ADAMTS15: variants seen among roughly 807,000 people sequenced by gnomAD.
ADAMTS15 encodes the protein ADAM metallopeptidase with thrombospondin type 1 motif 15.
ADAMTS15 carries 35 observed loss-of-function variants against 79.1 expected under a neutral mutation model. The observed-to-expected ratio is 0.44, with a 90% CI of 0.34 to 0.59. ADAMTS15 has a LOEUF of 0.59. Ranked by LOEUF, ADAMTS15 falls within the 20% of genes least tolerant of loss-of-function variation. The probability of loss-of-function intolerance (pLI) is 0.02; values close to 1 mark genes in which losing one functional copy is unlikely to be tolerated. For synonymous variants in ADAMTS15, 616 were observed against 567.3 expected, an observed-to-expected ratio of 1.09 and a Z score of -1.22; for missense variants, 1,324 against 1,318.7, an observed-to-expected ratio of 1.00 and a Z score of -0.06.
intron 1 of ADAMTS15, among the ~76,000 whole-genome samples, chr11:130,456,247 C>A (rs550434814): frequency 6.6e-6 from 1 of 152,234 alleles, no homozygotes; most frequent in South Asian, 2.1e-4. Flanking sequence ...TATCGCTCTT[C>A]TTGTAGGCGC....
chr11:130,468,939 C>CAAA (rs911391031), intron 4 of ADAMTS15, among the ~76,000 whole-genome samples: 297 of 27,844 alleles, frequency 0.011, 17 homozygotes, highest in African/African-American at 0.028. Context: ...TCCACCTCAA[C>CAAA]AAAAAAAAAA....
rs527464865 is a variant in ADAMTS15, at chr11:130,454,877, TTC to T, written c.957+4951_957+4952del. On this transcript the variant is annotated intron_variant, in intron 1 of 7. Transcript: ENST00000299164. ...TCTAGTCAGAAAGGCAAGTGAGTTT[TTC>T]TCTTTCTTTAGGTCTTGCTCTCCTT... Among the ~76,000 whole-genome samples, 4 of 152,344 alleles carry T rather than the reference TTC, an allele frequency of 2.6e-5. No individual in the cohort carries two copies. In the South Asian group the frequency reaches 8.3e-4, roughly 32 times the overall value.
intron 1 of ADAMTS15, chr11:130,450,479 A>AT: frequency 1.0e-5 from 10 of 979,616 alleles, no homozygotes; most frequent in Non-Finnish European, 1.2e-5. Context: ...GGAGGGAATC[A>AT]TTGAGAGATT....
In ADAMTS15 at chr11:130,472,913, C is replaced by T. The variant is rs1938487061; in HGVS notation, c.2079-134C>T. 1.5e-5 allele frequency: 20 copies of T among 1,338,748 alleles called. No homozygotes were observed. Among genetic ancestry groups the T allele is most frequent in the Non-Finnish European group, 1.7e-5 (17 of 975,334 alleles). The allele number at this position is 1,338,748 out of a possible 1,614,324, so 82.9% of individuals were successfully genotyped here. On this transcript the variant is annotated intron_variant, in intron 7 of 7. Transcript: ENST00000299164. This position sits in a 1 kb window ranked among gnomAD's most constrained non-coding sequence, Gnocchi z 4.7. ...CGCCAAGGGGCAGGGACCTCTCTGACTCCAAAACCTGTGCTTTTACTCCCA... is the reference window on the plus strand; with the variant it reads ...CGCCAAGGGGCAGGGACCTCTCTGATTCCAAAACCTGTGCTTTTACTCCCA...
rs1262547161 is a variant in ADAMTS15, at chr11:130,474,053, G to A, written c.*232G>A. ...TACCTCAGGCCCCGCTCCTCGGGCC[G>A]GTTGCGGGGAGAGGCTTTGAGGTGC... On this transcript the variant is annotated 3_prime_UTR_variant, in exon 8 of 8. Coordinates refer to ENST00000299164, the MANE Select transcript of ADAMTS15 (RefSeq NM_139055.4). 1.6e-5 allele frequency: 9 copies of A among 555,550 alleles called. No individual in the cohort carries two copies. The highest frequency in any genetic ancestry group is 2.7e-5 in the Non-Finnish European group (9 of 333,692). The allele number at this position is 555,550 out of a possible 1,614,324, so 34.4% of individuals were successfully genotyped here.
Position 130,469,448 on chromosome 11 carries a change from G to A in ADAMTS15, c.1720+9G>A, listed in dbSNP as rs1938377030. 2.3e-6 allele frequency: 3 copies of A among 1,331,586 alleles called. No homozygotes were observed. The highest frequency in any genetic ancestry group is 5.6e-5 in the East Asian group (2 of 35,524). 82.5% of individuals were successfully genotyped at this position (1,331,586 alleles called of 1,614,324 possible). ...GCCCTGCCCCAGCTCAGGTGAGGTG[G>A]GGAGAGCAGTGGTGGCCTGGGCCCA... On this transcript the variant is annotated intron_variant, in intron 5 of 7. Coordinates refer to ENST00000299164, the MANE Select transcript of ADAMTS15 (RefSeq NM_139055.4).
Position 130,473,517 on chromosome 11 carries a change from C to G in ADAMTS15, c.2549C>G (p.Pro850Arg), listed in dbSNP as rs773670804. Residue 850 changes from proline (P) to arginine (R), a missense_variant, in exon 8 of 8, where the codon CCG (proline) becomes CGG (arginine). By Grantham distance (103) the Pro-to-Arg change is moderately radical. Coordinates refer to ENST00000299164, the MANE Select transcript of ADAMTS15 (RefSeq NM_139055.4). ...PARWVAGSWG[P>R]CSASCGSGLQ... ...CGCTGGGTGGCTGGCAGCTGGGGGC[C>G]GTGCTCCGCGAGCTGCGGCAGTGGC... 15 of 1,608,726 alleles carry G rather than the reference C, an allele frequency of 9.3e-6. No individual in the cohort carries two copies. The highest frequency in any genetic ancestry group is 1.3e-5 in the Non-Finnish European group (15 of 1,177,296).
intron 4 of ADAMTS15, among the ~76,000 whole-genome samples, chr11:130,468,249 A>G (rs935574198): frequency 6.6e-6 from 1 of 152,082 alleles, no homozygotes; most frequent in Non-Finnish European, 1.5e-5. Flanking sequence ...TATCAAACCC[A>G]TTTTTGCAAG....
intron 5 of ADAMTS15, among the ~76,000 whole-genome samples, chr11:130,470,200 A>ATATATATG (rs1938419929): frequency 1.8e-5 from 1 of 56,512 alleles, no homozygotes; most frequent in African/African-American, 7.9e-5. Flanking sequence ...ATATATATAT[A>ATATATATG]TATATATATG....
At position 130,472,967 on chromosome 11, in the gene ADAMTS15, C is replaced by T; in HGVS notation, c.2079-80C>T. On this transcript the variant is annotated intron_variant, in intron 7 of 7. Transcript: ENST00000299164. This position sits in a 1 kb window ranked among gnomAD's most constrained non-coding sequence, Gnocchi z 4.7. ...CAGAATTCACCGAAAGCTAGGTTTA[C>T]TGAGGAAAACAGATCCTGGAGCATA... The T allele has an allele frequency of 6.5e-7, 1 of 1,545,028 alleles. No homozygotes were observed. Among genetic ancestry groups the T allele is most frequent in the Middle Eastern group, 1.9e-4 (1 of 5,142 alleles).
intron 1 of ADAMTS15, among the ~76,000 whole-genome samples, chr11:130,459,832 C>T (rs1034144866): frequency 8.5e-5 from 13 of 152,340 alleles, no homozygotes; most frequent in African/African-American, 2.4e-4. Context: ...GTACTCTGAC[C>T]GCTTTTCCTC....
chr11:130,470,192 ATATATATATATATATATG>A (rs1565397892), intron 5 of ADAMTS15, among the ~76,000 whole-genome samples: 1 of 51,990 alleles, frequency 1.9e-5, no homozygotes, highest in East Asian at 3.2e-4. Flanking sequence ...GTGTGTATAT[ATATATATATATATATATG>A]TATATATATA....
chr11:130,467,271 G>A (rs1011363603), intron 4 of ADAMTS15, among the ~76,000 whole-genome samples: 4 of 152,108 alleles, frequency 2.6e-5, no homozygotes, highest in Non-Finnish European at 5.9e-5. Context: ...TTTTGAGGGG[G>A]CAGCTTCTGG....
At chr11:130,452,537 G>A (rs2134716568) in intron 1 of ADAMTS15, among the ~76,000 whole-genome samples, 1 of 152,338 alleles carries the variant, frequency 6.6e-6, no homozygotes, top group African/African-American at 2.4e-5. Context: ...AGACTTCTCT[G>A]TCTTTAGGTC....
At position 130,470,162 on chromosome 11, in the gene ADAMTS15, A is replaced by ATATATATATGTG. The variant is rs1565397691; in HGVS notation, c.1720+732_1720+733insGTGTATATATAT. Among the ~76,000 whole-genome samples the ATATATATATGTG allele has an allele frequency of 2.7e-4, 15 of 56,556 alleles. No homozygotes were observed. In the East Asian group the frequency reaches 4.3e-3, roughly 16 times the overall value. The allele number at this position is 56,556 out of a possible 152,430, so 37.1% of individuals were successfully genotyped here. A position where few individuals can be genotyped will look rare whatever the true frequency, so the allele number is the denominator to read the frequency against. ...TATATATATATATATGTGTATATAT[A>ATATATATATGTG]TATATATATATATATATATGTGTGT... On this transcript the variant is annotated intron_variant, in intron 5 of 7. Coordinates refer to ENST00000299164, the MANE Select transcript of ADAMTS15 (RefSeq NM_139055.4).
In ADAMTS15 at chr11:130,449,512, G is replaced by A. The variant is rs1234250953; in HGVS notation, c.539G>A (p.Trp180Ter). 2 of 1,557,156 alleles carry A rather than the reference G, an allele frequency of 1.3e-6. No homozygotes were observed. The highest frequency in any genetic ancestry group is 2.4e-5 in the South Asian group (2 of 81,990). ...TCTCGCTGCGGGGTGGCCTCGGGCT[G>A]GAACCCCGCCATCCTACGGGCCCTG... Reference protein sequence around the residue: ...PTSRCGVASGWNPAILRALDP... With the variant: ...PTSRCGVASG The change falls in exon 1 of 8, where the codon TGG becomes TAG. Residue 180 changes from tryptophan (W) to a stop codon, truncating the protein, a stop_gained. Coordinates refer to ENST00000299164, the MANE Select transcript of ADAMTS15 (RefSeq NM_139055.4). LOFTEE classifies it high-confidence loss of function. This position sits in a 1 kb window ranked among gnomAD's most constrained non-coding sequence, Gnocchi z 7.8.
chr11:130,472,110 C>A lies in ADAMTS15; in HGVS notation c.2078+727C>A, dbSNP rs997281718. Among the ~76,000 whole-genome samples the A allele has an allele frequency of 6.6e-6, 1 of 152,194 alleles. No homozygotes were observed. The highest frequency in any genetic ancestry group is 1.5e-5 in the Non-Finnish European group (1 of 68,038). ...ATGCTCCTTGGAAAGCCCTGACCCA[C>A]GTTCTAGAAGAAGAGGGGGTAGGCA... On this transcript the variant is annotated intron_variant, in intron 7 of 7. Coordinates refer to ENST00000299164, the MANE Select transcript of ADAMTS15 (RefSeq NM_139055.4). This position sits in a 1 kb window ranked among gnomAD's most constrained non-coding sequence, Gnocchi z 4.7.
chr11:130,473,132 G>C lies in ADAMTS15; in HGVS notation c.2164G>C (p.Asp722His), dbSNP rs200637449. ...GCGCGGTTACAAAGGGCTGATCGGG[G>C]ATGACAACTACCTGGCTCTGAAGAA... ...RQRGYKGLIG[D>H]DNYLALKNSQ... Residue 722 changes from aspartate to histidine, a missense_variant, in exon 8 of 8, where the codon GAT becomes CAT. Asp to His is a moderately conservative substitution (Grantham distance 81). Transcript: ENST00000299164. 21 of 1,614,016 alleles carry C rather than the reference G, an allele frequency of 1.3e-5. No individual in the cohort carries two copies. Among genetic ancestry groups the C allele is most frequent in the Non-Finnish European group, 1.7e-5 (20 of 1,180,050 alleles).
At position 130,472,952 on chromosome 11, in the gene ADAMTS15, C is replaced by T. The variant is rs549122678; in HGVS notation, c.2079-95C>T. ...CTTTTACTCCCATGCCAGAATTCAC[C>T]GAAAGCTAGGTTTACTGAGGAAAAC... On this transcript the variant is annotated intron_variant, in intron 7 of 7. Coordinates refer to ENST00000299164, the MANE Select transcript of ADAMTS15 (RefSeq NM_139055.4). The surrounding 1 kb of genome is among the most constrained non-coding windows in gnomAD (Gnocchi z 4.7). The T allele has an allele frequency of 2.0e-4, 307 of 1,520,240 alleles. No individual in the cohort carries two copies. The highest frequency in any genetic ancestry group is 2.6e-4 in the Non-Finnish European group (290 of 1,127,216). 94.2% of individuals were successfully genotyped at this position (1,520,240 alleles called of 1,614,324 possible). A position where few individuals can be genotyped will look rare whatever the true frequency, so the allele number is the denominator to read the frequency against.
Sources: gnomAD v4.1 joint callset for allele counts (sites outside exome capture counted in the v4.1 genomes callset) on GRCh38, gnomAD v4.1.1 for gene constraint, Gnocchi (gnomAD v3.1) non-coding constraint, MANE v1.5 for transcripts, NCBI Gene and HGNC (gene_info 2026-07-23, HGNC 2026-07-21) for gene names.